The following TMTC1 variants were observed in gnomAD, a reference collection of about 807,000 sequenced individuals.
TMTC1 encodes transmembrane O-mannosyltransferase targeting cadherins 1.
A neutral mutation model predicts 104.8 loss-of-function variants in TMTC1; 73 were observed. The observed-to-expected ratio is 0.70, with a 90% CI of 0.58 to 0.85. TMTC1 has a LOEUF of 0.85. Ranked by LOEUF, TMTC1 falls within the 40% of genes least tolerant of loss-of-function variation. The pLI is 0.00. For missense variants in TMTC1, 1,035 were observed against 1,096.1 expected, an observed-to-expected ratio of 0.94 and a Z score of 0.79; for synonymous variants, 434 against 428.7, an observed-to-expected ratio of 1.01 and a Z score of -0.15.
At chr12:29,664,130 T>G (rs1348657027) in intron 5 of TMTC1, among the ~76,000 whole-genome samples, 5 of 148,896 alleles carry the variant, frequency 3.4e-5, no homozygotes, top group African/African-American at 1.2e-4. Flanking sequence ...GAGCTTGCAG[T>G]GAGCCGAGAT....
intron 5 of TMTC1, among the ~76,000 whole-genome samples, chr12:29,688,704 T>C (rs1941173115): frequency 1.3e-5 from 2 of 152,218 alleles, no homozygotes; most frequent in Admixed American, 1.3e-4. Flanking sequence ...TTCACAATAT[T>C]CCTTTGAGGT....
chr12:29,604,716 C>T (rs180915169), intron 6 of TMTC1, among the ~76,000 whole-genome samples: 16 of 152,230 alleles, frequency 1.1e-4, no homozygotes, highest in African/African-American at 3.1e-4. Context: ...TTATATCTTC[C>T]CAAAATATAA....
chr12:29,622,911 G>A (rs1159224696), intron 6 of TMTC1, among the ~76,000 whole-genome samples: 4 of 152,076 alleles, frequency 2.6e-5, no homozygotes, highest in Admixed American at 6.6e-5. Context: ...CTTAAATTTC[G>A]TATGCCCTGA....
intron 5 of TMTC1, among the ~76,000 whole-genome samples, chr12:29,674,422 C>A (rs575958316): frequency 4.3e-3 from 366 of 84,794 alleles, no homozygotes; most frequent in African/African-American, 0.02. Context: ...CAGAAAAAAA[C>A]AATCAGAAAC....
Position 29,572,192 on chromosome 12 carries a change from T to C in TMTC1, c.1445A>G (p.Asn482Ser), listed in dbSNP as rs1277480500. Residue 482 changes from asparagine to serine, a missense_variant, in exon 9 of 18, where the codon AAT becomes AGT. Coordinates refer to ENST00000539277, the MANE Select transcript of TMTC1 (RefSeq NM_001193451.2). ...GGCATAGTTGTAGTGAACCTTGGCA[T>C]TGTGGGGCAGAGTTTGAACTCCAGA... ...FRSGVQTLPHNAKVHYNYANF... is the reference protein window; with the variant it reads ...FRSGVQTLPHSAKVHYNYANF... 13 of 1,613,960 alleles carry C rather than the reference T, an allele frequency of 8.1e-6. No individual in the cohort carries two copies. The highest frequency in any genetic ancestry group is 1.1e-5 in the South Asian group (1 of 91,088).
At chr12:29,572,005 GAAAC>G (rs777223173) in intron 9 of TMTC1, 96 bp downstream of exon 9, 70 of 926,652 alleles carry the variant, frequency 7.6e-5, no homozygotes, top group Non-Finnish European at 1.0e-4. Context: ...ACTGTCAAGA[GAAAC>G]AAACAAACTC....
At chr12:29,569,526 G>A (rs180858727) in intron 9 of TMTC1, among the ~76,000 whole-genome samples, 1 of 152,270 alleles carries the variant, frequency 6.6e-6, no homozygotes, top group Non-Finnish European at 1.5e-5. Context: ...CAGCTGGGAG[G>A]GAGAGGAATC....
chr12:29,515,662 C>T (rs1354683779), intron 15 of TMTC1, among the ~76,000 whole-genome samples: 1 of 152,080 alleles, frequency 6.6e-6, no homozygotes, highest in African/African-American at 2.4e-5. Context: ...TCATGATATT[C>T]CTGGGCACAG....
At chr12:29,661,217 A>T in intron 5 of TMTC1, 1 of 282,642 alleles carries the variant, frequency 3.5e-6, no homozygotes, top group Non-Finnish European at 5.3e-6. Context: ...TATAAATATT[A>T]CTATCCCATC....
chr12:29,516,330 A>G lies in TMTC1; in HGVS notation c.2307+19T>C, dbSNP rs371307609. On this transcript the variant is annotated intron_variant, in intron 15 of 17. Transcript: ENST00000539277. ...TTAACCTATGAATCCAAAGAACTCT[A>G]AACAATGTCCTTCTTTACCTTGTCG... 2.7e-5 allele frequency: 44 copies of G among 1,609,814 alleles called. No homozygotes were observed. In the African/African-American group the frequency reaches 5.3e-4, roughly 20 times the overall value.
chr12:29,727,429 T>C (rs936082250), intron 5 of TMTC1, among the ~76,000 whole-genome samples: 30 of 152,158 alleles, frequency 2.0e-4, no homozygotes, highest in Non-Finnish European at 4.0e-4. Context: ...CAGGCTGGAG[T>C]GCAGTGGCGC....
chr12:29,558,723 G>C (rs926951572), intron 9 of TMTC1, among the ~76,000 whole-genome samples: 2 of 152,152 alleles, frequency 1.3e-5, no homozygotes, highest in Non-Finnish European at 2.9e-5. Flanking sequence ...CTCTCTGATC[G>C]CTTTTAATTA....
intron 7 of TMTC1, among the ~76,000 whole-genome samples, chr12:29,587,577 C>T (rs1946173414): frequency 1.3e-5 from 2 of 152,228 alleles, no homozygotes; most frequent in South Asian, 2.1e-4. Flanking sequence ...AAAGATCCAC[C>T]TGCCTTGGCC....
chr12:29,743,186 AGCAATCT>A (rs1942870956), intron 5 of TMTC1, among the ~76,000 whole-genome samples: 1 of 152,206 alleles, frequency 6.6e-6, no homozygotes, highest in Non-Finnish European at 1.5e-5. Flanking sequence ...AGAGCGTGTA[AGCAATCT>A]GTAAAAGATC....
intron 17 of TMTC1, among the ~76,000 whole-genome samples, chr12:29,508,808 C>T (rs1002780082): frequency 6.6e-6 from 1 of 152,114 alleles, no homozygotes; most frequent in Non-Finnish European, 1.5e-5. Flanking sequence ...AAACCCCCGA[C>T]CTCAGGTGAT....
chr12:29,743,181 G>C (rs576200326), intron 5 of TMTC1, among the ~76,000 whole-genome samples: 2 of 152,174 alleles, frequency 1.3e-5, no homozygotes, highest in African/African-American at 4.8e-5. Flanking sequence ...GACACAGAGC[G>C]TGTAAGCAAT....
chr12:29,668,058 T>C (rs1368028226), intron 5 of TMTC1, among the ~76,000 whole-genome samples: 1 of 152,246 alleles, frequency 6.6e-6, no homozygotes, highest in Non-Finnish European at 1.5e-5. Flanking sequence ...AGCTGGTTTA[T>C]TCAGCATGTT....
At chr12:29,667,600 C>T (rs933055525) in intron 5 of TMTC1, among the ~76,000 whole-genome samples, 3 of 152,008 alleles carry the variant, frequency 2.0e-5, no homozygotes, top group Non-Finnish European at 2.9e-5. Flanking sequence ...AAAATGATGC[C>T]CAGAAATGTT....
chr12:29,541,656 C>CTTTT (rs35079677), intron 10 of TMTC1, among the ~76,000 whole-genome samples: 31 of 115,604 alleles, frequency 2.7e-4, no homozygotes, highest in East Asian at 9.7e-4. Context: ...TTCACTGTTG[C>CTTTT]TTTTTTTTTT....
Sources: gnomAD v4.1 joint callset for allele counts (sites outside exome capture counted in the v4.1 genomes callset) on GRCh38, gnomAD v4.1.1 for gene constraint, MANE v1.5 for transcripts, NCBI Gene and HGNC (gene_info 2026-07-23, HGNC 2026-07-21) for gene names.